The following PIKFYVE variants were observed in gnomAD, a reference collection of about 807,000 sequenced individuals.
PIKFYVE encodes 1-phosphatidylinositol 3-phosphate 5-kinase.
PIKFYVE carries 122 observed loss-of-function variants against 257.9 expected under a neutral mutation model. The observed-to-expected ratio is 0.47, with a 90% CI of 0.41 to 0.55. The LOEUF is 0.55. PIKFYVE is among the 20% of genes least tolerant of loss of function. The pLI, the probability that PIKFYVE is intolerant of heterozygous loss-of-function variation, is 0.00. For synonymous variants in PIKFYVE, 892 were observed against 868.9 expected (o/e 1.03, Z -0.47); for missense variants, 2,160 against 2,536.6 (o/e 0.85, Z 3.19).
chr2:208,299,521 C>G (rs1307115137), intron 8 of PIKFYVE, among the ~76,000 whole-genome samples: 1 of 151,994 alleles, frequency 6.6e-6, no homozygotes. Context: ...ATCTCCTGAC[C>G]TCGTGATCTC....
At position 208,325,523 on chromosome 2, in the gene PIKFYVE, G is replaced by A; in HGVS notation, c.2712G>A (p.Glu904=). 1 of 1,614,194 alleles carries A rather than the reference G, an allele frequency of 6.2e-7. No homozygotes were observed. The highest frequency in any genetic ancestry group is 1.3e-5 in the African/African-American group (1 of 75,060). Residue 904 remains glutamate, a synonymous_variant, in exon 20 of 42, where the codon GAG becomes GAA. Transcript: ENST00000264380. ...EGRGHEGAVQ[E]QYGGGSIPWD... ...GAGGGCATGAGGGGGCTGTCCAAGA[G>A]CAGTACGGTGGAGGTTCCATCCCCT...
intron 12 of PIKFYVE, chr2:208,305,351 C>G: frequency 8.7e-7 from 1 of 1,155,082 alleles, no homozygotes; most frequent in Non-Finnish European, 1.1e-6. Context: ...CTATTCTTTT[C>G]TCTTTCTTCA....
intron 7 of PIKFYVE, among the ~76,000 whole-genome samples, chr2:208,291,032 A>G (rs569587490): frequency 3.9e-4 from 59 of 152,236 alleles, no homozygotes; most frequent in Admixed American, 7.2e-4. Flanking sequence ...TTCTAGTCCA[A>G]TGTTGAAAAG....
chr2:208,310,083 T>C (rs1435405009), intron 12 of PIKFYVE, among the ~76,000 whole-genome samples: 1 of 152,202 alleles, frequency 6.6e-6, no homozygotes, highest in East Asian at 1.9e-4. Context: ...AGTTATTCTT[T>C]TTACATTTTT....
At chr2:208,274,673 G>GGTTA (rs1246131918) in intron 3 of PIKFYVE, among the ~76,000 whole-genome samples, 2 of 152,150 alleles carry the variant, frequency 1.3e-5, no homozygotes. Context: ...CCTCAGCCAG[G>GGTTA]GTTACATCAG....
chr2:208,324,323 C>G, intron 18 of PIKFYVE, 41 bp downstream of exon 18: 1 of 1,598,254 alleles, frequency 6.3e-7, no homozygotes, highest in South Asian at 1.1e-5. Context: ...AAAAAAATCA[C>G]AGCTTTTAAA....
intron 7 of PIKFYVE, among the ~76,000 whole-genome samples, chr2:208,290,364 G>C (rs1692150784): frequency 6.6e-6 from 1 of 152,094 alleles, no homozygotes; most frequent in Admixed American, 6.5e-5. Context: ...CATATAGTTG[G>C]AATTATACAG....
intron 1 of PIKFYVE, among the ~76,000 whole-genome samples, chr2:208,270,639 T>C (rs1237152151): frequency 1.3e-5 from 2 of 152,188 alleles, no homozygotes; most frequent in African/African-American, 2.4e-5. Flanking sequence ...TCATGAAGTG[T>C]AGCTTGAGGT....
intron 17 of PIKFYVE, among the ~76,000 whole-genome samples, chr2:208,323,415 C>A (rs1696540327): frequency 6.6e-6 from 1 of 151,546 alleles, no homozygotes; most frequent in Admixed American, 6.6e-5. Context: ...ACAATTTCAT[C>A]CACGTCCCTA....
chr2:208,294,532 A>G (rs1692718229), intron 7 of PIKFYVE, among the ~76,000 whole-genome samples: 1 of 152,062 alleles, frequency 6.6e-6, no homozygotes, highest in Non-Finnish European at 1.5e-5. Flanking sequence ...GCCTTTAGTG[A>G]TGTAGTGATA....
intron 38 of PIKFYVE, 87 bp downstream of exon 38, chr2:208,351,542 C>G: frequency 2.7e-6 from 3 of 1,118,570 alleles, no homozygotes; most frequent in Non-Finnish European, 4.1e-6. Flanking sequence ...TCTTGTGTTG[C>G]TATAAAGAAA....
intron 22 of PIKFYVE, 130 bp from the exon 23 acceptor site, chr2:208,330,392 GA>G: frequency 1.9e-6 from 2 of 1,027,346 alleles, no homozygotes; most frequent in Non-Finnish European, 3.0e-6. Context: ...AGCTGAAGAC[GA>G]TGTTCAGCTG....
rs777280672 is a variant in PIKFYVE at position 208,326,129 on chromosome 2, G to T, written c.3318G>T (p.Leu1106=). The part of the protein sequence containing the change: ...KEMENRRKKQ[L]LRDLSGLQGM... ...TGGAGAACAGGAGGAAGAAACAGCTGCTCAGGGATCTCTCTGGACTTCAGG... is the reference window on the plus strand; with the variant it reads ...TGGAGAACAGGAGGAAGAAACAGCTTCTCAGGGATCTCTCTGGACTTCAGG... Residue 1106 remains leucine (L), a synonymous_variant, in exon 20 of 42, where the codon CTG becomes CTT. Transcript: ENST00000264380. 14 of 1,614,040 alleles carry T rather than the reference G, an allele frequency of 8.7e-6. No homozygotes were observed. The Admixed American group carries it at 2.0e-4, about 23-fold the overall frequency.
intron 32 of PIKFYVE, among the ~76,000 whole-genome samples, chr2:208,343,501 A>T (rs2125743334): frequency 6.6e-6 from 1 of 152,366 alleles, no homozygotes; most frequent in Non-Finnish European, 1.5e-5. Flanking sequence ...CATACCTATG[A>T]TAAAGTTAAA....
At chr2:208,298,847 T>C in intron 8 of PIKFYVE, 68 bp downstream of exon 8, 1 of 1,586,070 alleles carries the variant, frequency 6.3e-7, no homozygotes, top group South Asian at 1.1e-5. Context: ...GACTGAGTCT[T>C]TTTTTTTCTT....
At chr2:208,273,787 C>CA in intron 3 of PIKFYVE, 54 bp downstream of exon 3, 5 of 1,598,068 alleles carry the variant, frequency 3.1e-6, no homozygotes, top group Non-Finnish European at 4.3e-6. Flanking sequence ...TTTCCACAGT[C>CA]ATTGTGTTTC....
intron 12 of PIKFYVE, among the ~76,000 whole-genome samples, chr2:208,305,951 G>A (rs949975225): frequency 6.6e-6 from 1 of 152,082 alleles, no homozygotes; most frequent in Middle Eastern, 3.2e-3. Flanking sequence ...TCCTTACTTA[G>A]ATCTGAAATG....
intron 32 of PIKFYVE, 97 bp downstream of exon 32, chr2:208,342,746 G>T: frequency 2.6e-4 from 209 of 811,604 alleles, no homozygotes; most frequent in East Asian, 6.0e-4. Flanking sequence ...AAAGCAAAAT[G>T]ATTAAATATA....
intron 5 of PIKFYVE, among the ~76,000 whole-genome samples, chr2:208,282,592 A>G (rs530917530): frequency 2.6e-5 from 4 of 152,314 alleles, no homozygotes; most frequent in South Asian, 2.1e-4. Context: ...AAGGACTTCA[A>G]CTGATTAGAT....
Sources: gnomAD v4.1 joint callset for allele counts (sites outside exome capture counted in the v4.1 genomes callset) on GRCh38, gnomAD v4.1.1 for gene constraint, MANE v1.5 for transcripts, NCBI Gene and HGNC (gene_info 2026-07-23, HGNC 2026-07-21) for gene names.